Variants in TRPM3 observed in about 807,000 individuals in gnomAD.
TRPM3 encodes the protein long transient receptor potential channel 3.
TRPM3 carries 77 observed loss-of-function variants against 181.2 expected under a neutral mutation model. That is an observed-to-expected ratio of 0.42 (90% confidence interval 0.35 to 0.51). The LOEUF (loss-of-function observed/expected upper bound fraction) is 0.51. Ranked by LOEUF, TRPM3 falls within the 20% of genes least tolerant of loss-of-function variation. The pLI, the probability that TRPM3 is intolerant of heterozygous loss-of-function variation, is 0.01. For missense variants in TRPM3, 1,759 were observed against 2,196.7 expected, an observed-to-expected ratio of 0.80 and a Z score of 3.98; for synonymous variants, 745 against 796.4, an observed-to-expected ratio of 0.94 and a Z score of 1.09.
chr9:70,656,332 T>C (rs1210031994), intron 9 of TRPM3, among the ~76,000 whole-genome samples: 2 of 152,250 alleles, frequency 1.3e-5, no homozygotes, highest in African/African-American at 4.8e-5. Context: ...TGGAAACAAC[T>C]ACATCTTGAA....
At chr9:71,421,641 A>C (rs1205748314) in intron 1 of TRPM3, among the ~76,000 whole-genome samples, 1 of 151,954 alleles carries the variant, frequency 6.6e-6, no homozygotes, top group African/African-American at 2.4e-5. Flanking sequence ...CCTAGTGCAG[A>C]CATCATAGGG....
intron 1 of TRPM3, among the ~76,000 whole-genome samples, chr9:71,208,790 A>G (rs969248956): frequency 6.6e-6 from 1 of 152,154 alleles, no homozygotes; most frequent in Admixed American, 6.5e-5. Context: ...TAATTCTCCC[A>G]TTTGTTGTCC....
At chr9:71,225,026 G>C (rs890486289) in intron 1 of TRPM3, among the ~76,000 whole-genome samples, 4 of 152,096 alleles carry the variant, frequency 2.6e-5, no homozygotes, top group African/African-American at 7.2e-5. Flanking sequence ...AGAGAGATAG[G>C]GGTAGAATGT....
At chr9:71,137,458 G>A (rs914118639) in intron 1 of TRPM3, among the ~76,000 whole-genome samples, 1 of 133,374 alleles carries the variant, frequency 7.5e-6, no homozygotes, top group Non-Finnish European at 1.8e-5. Flanking sequence ...AAGAAAAAAT[G>A]AGTTCTGCAA....
chr9:70,940,580 A>G (rs2096876280), intron 1 of TRPM3, among the ~76,000 whole-genome samples: 1 of 152,224 alleles, frequency 6.6e-6, no homozygotes. Context: ...ACACTAAGGA[A>G]GTAAAAAAAG....
chr9:70,995,433 A>G lies in TRPM3; in HGVS notation c.177+125745T>C, dbSNP rs186765475. On this transcript the variant is annotated intron_variant, in intron 1 of 25. Coordinates refer to ENST00000677713, the MANE Select transcript of TRPM3 (RefSeq NM_001366145.2). ...ATGTTAGGTGATTACTTTTAAAAAA[A>G]TTCTCACCATTTTGATTTCCAAACC... 5.3e-5 allele frequency among the ~76,000 whole-genome samples: 8 copies of G among 152,300 alleles called. No homozygotes were observed. The East Asian group carries it at 1.3e-3, about 26-fold the overall frequency.
chr9:71,346,771 T>A (rs1199096881), intron 1 of TRPM3, among the ~76,000 whole-genome samples: 1 of 152,188 alleles, frequency 6.6e-6, no homozygotes, highest in African/African-American at 2.4e-5. Flanking sequence ...AGCAGCTGTG[T>A]ACAGAAGGGA....
At chr9:70,670,292 G>A (rs181152684) in intron 9 of TRPM3, among the ~76,000 whole-genome samples, 17 of 152,258 alleles carry the variant, frequency 1.1e-4, no homozygotes, top group Admixed American at 3.3e-4. Context: ...TAACCATTCC[G>A]CAGGGTTGTG....
At chr9:71,444,229 A>G (rs1340391358) in intron 1 of TRPM3, among the ~76,000 whole-genome samples, 2 of 151,912 alleles carry the variant, frequency 1.3e-5, no homozygotes, top group South Asian at 2.1e-4. Flanking sequence ...GGACAGAGTC[A>G]TGGACTATAT....
At chr9:71,382,751 T>C (rs547050000) in intron 1 of TRPM3, among the ~76,000 whole-genome samples, 1 of 151,976 alleles carries the variant, frequency 6.6e-6, no homozygotes, top group Admixed American at 6.6e-5. Context: ...TGAACACAGA[T>C]TCTTTGTTCT....
At chr9:71,115,428 C>T (rs538001683) in intron 1 of TRPM3, among the ~76,000 whole-genome samples, 1 of 152,238 alleles carries the variant, frequency 6.6e-6, no homozygotes, top group South Asian at 2.1e-4. Flanking sequence ...ATTCATTAAA[C>T]ATTTGTTGAA....
At chr9:71,165,036 G>GT (rs1222643459) in intron 1 of TRPM3, among the ~76,000 whole-genome samples, 1 of 152,100 alleles carries the variant, frequency 6.6e-6, no homozygotes, top group Non-Finnish European at 1.5e-5. Context: ...AATAATCCTT[G>GT]TGTCTTATTG....
chr9:71,380,071 G>A (rs2092762845), intron 1 of TRPM3, among the ~76,000 whole-genome samples: 2 of 152,006 alleles, frequency 1.3e-5, no homozygotes. Flanking sequence ...TGTATGTATA[G>A]TTTCAGGAAA....
intron 8 of TRPM3, among the ~76,000 whole-genome samples, chr9:70,687,221 A>G (rs1288691903): frequency 6.6e-6 from 1 of 152,134 alleles, no homozygotes; most frequent in Non-Finnish European, 1.5e-5. Flanking sequence ...GAGGAGATAT[A>G]CATATTTGTG....
At chr9:71,016,090 G>A (rs1435160606) in intron 1 of TRPM3, among the ~76,000 whole-genome samples, 1 of 149,904 alleles carries the variant, frequency 6.7e-6, no homozygotes, top group South Asian at 2.1e-4. Context: ...AGCTACTTGT[G>A]AGGCTGAGGC....
At chr9:70,655,134 C>A (rs1334099704) in intron 9 of TRPM3, among the ~76,000 whole-genome samples, 1 of 149,704 alleles carries the variant, frequency 6.7e-6, no homozygotes, top group Admixed American at 6.6e-5. Flanking sequence ...GGTGAAACCC[C>A]GTCTCTGCTA....
At chr9:70,563,653 T>C (rs1448518552) in intron 22 of TRPM3, among the ~76,000 whole-genome samples, 1 of 152,092 alleles carries the variant, frequency 6.6e-6, no homozygotes, top group Non-Finnish European at 1.5e-5. Flanking sequence ...AAAGAACATA[T>C]AGAGCCTGAC....
intron 1 of TRPM3, among the ~76,000 whole-genome samples, chr9:71,414,865 A>G (rs925350531): frequency 6.6e-6 from 1 of 152,090 alleles, no homozygotes; most frequent in South Asian, 2.1e-4. Context: ...ACAGGAAAAG[A>G]GCAATAAATT....
chr9:71,372,874 A>G (rs1475077637), intron 1 of TRPM3, among the ~76,000 whole-genome samples: 2 of 152,308 alleles, frequency 1.3e-5, no homozygotes, highest in East Asian at 3.9e-4. Context: ...CATATGATAG[A>G]AGTAAAACAC....
Sources: allele counts gnomAD v4.1 joint callset (sites outside exome capture counted in the v4.1 genomes callset), GRCh38; gene constraint gnomAD v4.1.1; transcripts MANE v1.5; gene names NCBI Gene and HGNC (gene_info 2026-07-23, HGNC 2026-07-21).